Variants in SERPINB8 observed in about 807,000 individuals in gnomAD.
SERPINB8 encodes the protein serpin B8.
Under a neutral mutation model 35.3 loss-of-function variants are expected in SERPINB8, and 25 were observed. The observed-to-expected ratio is 0.71, with a 90% CI of 0.52 to 0.99. The LOEUF is 0.99. SERPINB8 is among the 50% of genes least tolerant of loss of function. SERPINB8 has a pLI of 0.00. For synonymous variants in SERPINB8, 186 were observed against 160.8 expected (o/e 1.16, Z -1.19); for missense variants, 484 against 446.5 (o/e 1.08, Z -0.76).
At chr18:63,989,966 A>AAAC (rs1555715818), downstream of SERPINB8, among the ~76,000 whole-genome samples, 126 of 144,982 alleles carry the variant, frequency 8.7e-4, 10 homozygotes, top group African/African-American at 2.7e-3. Flanking sequence ...AAAAAAAAAA[A>AAAC]AAACCAAAAT....
intron 3 of SERPINB8, 112 bp from the exon 4 acceptor site, chr18:63,981,609 T>A: frequency 2.7e-6 from 2 of 727,410 alleles, no homozygotes; most frequent in Admixed American, 4.5e-5. Flanking sequence ...TGAAGTGGAG[T>A]GTGACCTGTC....
intron 1 of SERPINB8, among the ~76,000 whole-genome samples, chr18:63,997,992 C>G (rs552434213): frequency 1.4e-4 from 21 of 152,314 alleles, no homozygotes; most frequent in African/African-American, 4.3e-4. Context: ...AGGAAGGGCC[C>G]TGGGAATCAA....
Position 63,985,182 on chromosome 18 carries a change from C to G in SERPINB8, c.657C>G (p.Pro219=), listed in dbSNP as rs1239512506. Residue 219 remains proline, a synonymous_variant, in exon 6 of 7, where the codon CCC becomes CCG. Transcript: ENST00000397985. ...TACACACCCAGGTCCTGGAGCTGCC[C>G]TATGTGGAAGAGGAGCTGAGCATGG... ...DEVHTQVLEL[P]YVEEELSMVI... is the part of the protein sequence containing the mutation. 1.2e-6 allele frequency: 2 copies of G among 1,614,158 alleles called. No homozygotes were observed. The highest frequency in any genetic ancestry group is 8.5e-7 in the Non-Finnish European group (1 of 1,180,030).
At chr18:63,979,616 G>C (rs756464151) in intron 2 of SERPINB8, among the ~76,000 whole-genome samples, 185 bp from the exon 3 acceptor site, 1 of 152,208 alleles carries the variant, frequency 6.6e-6, no homozygotes, top group Non-Finnish European at 1.5e-5. Context: ...AGACAAGGAA[G>C]TGTCCTGGCC....
At chr18:63,981,926 T>C in intron 4 of SERPINB8, 88 bp downstream of exon 4, 1 of 867,340 alleles carries the variant, frequency 1.2e-6, no homozygotes, top group South Asian at 1.5e-5. Flanking sequence ...GTGTTGCCAC[T>C]GTGACCTGCA....
At position 63,986,872 on chromosome 18, in the gene SERPINB8, A is replaced by G. The variant is rs760766913; in HGVS notation, c.721-2A>G. ...TTAAGGTTTGAGTCTTTCTTATCCT[A>G]GGTGGAAAAAGCACTTACATATGAG... is the stretch of plus-strand genomic sequence containing the variant. On this transcript the variant is annotated splice_acceptor_variant, in intron 6 of 6. Transcript: ENST00000397985. LOFTEE classifies it high-confidence loss of function. 9.4e-6 allele frequency: 15 copies of G among 1,601,706 alleles called. No individual in the cohort carries two copies. In the South Asian group the frequency reaches 1.6e-4, roughly 17 times the overall value.
Position 63,988,569 on chromosome 18 carries a change from T to G in SERPINB8, c.*1291T>G, listed in dbSNP as rs1243789073. 2 of 152,202 alleles carry G rather than the reference T, an allele frequency of 1.3e-5. No individual in the cohort carries two copies. The highest frequency in any genetic ancestry group is 4.8e-5 in the African/African-American group (2 of 41,444). The allele number at this position is 152,202 out of a possible 1,614,324, so 9.4% of individuals were successfully genotyped here. On this transcript the variant is annotated 3_prime_UTR_variant, in exon 7 of 7. Coordinates refer to ENST00000397985, the MANE Select transcript of SERPINB8 (RefSeq NM_002640.4). ...ATTGGTCCCTAGAAAGTTACACTGG[T>G]TTGTACTCTCACTTATGTCACTGTT...
chr18:64,008,414 T>A (rs1444027154), downstream of SERPINB8, among the ~76,000 whole-genome samples: 2 of 151,820 alleles, frequency 1.3e-5, no homozygotes, highest in Non-Finnish European at 2.9e-5. Flanking sequence ...GCTAATTTTT[T>A]TTTTTTTAAT....
intron 1 of SERPINB8, among the ~76,000 whole-genome samples, chr18:64,000,101 C>T (rs761233982): frequency 2.6e-5 from 4 of 152,200 alleles, no homozygotes; most frequent in African/African-American, 4.8e-5. Flanking sequence ...GTCAACACCT[C>T]GTGGTGCACC....
Position 63,983,579 on chromosome 18 carries a change from G to A in SERPINB8, c.425G>A (p.Gly142Asp). ...CAATAAACTCTCATATTCTTTATAG[G>A]TAAGATTTCAGAGGTACTGGATGCT... ...INDWVAEKTE[G>D]KISEVLDAGT... Residue 142 changes from glycine (G) to aspartate (D), a missense_variant and splice_region_variant, in exon 5 of 7, where the codon GGT (glycine) becomes GAT (aspartate). Physicochemically the swap from Gly to Asp is moderately conservative, Grantham distance 94. Transcript: ENST00000397985. 6.2e-7 allele frequency: 1 copy of A among 1,613,226 alleles called. No individual in the cohort carries two copies. Among genetic ancestry groups the A allele is most frequent in the Non-Finnish European group, 8.5e-7 (1 of 1,179,488 alleles).
intron 1 of SERPINB8, among the ~76,000 whole-genome samples, chr18:64,001,699 C>T (rs1047931821): frequency 6.6e-6 from 1 of 152,086 alleles, no homozygotes; most frequent in Non-Finnish European, 1.5e-5. Context: ...GTTGTCCAGG[C>T]TGGTCTCGAA....
In SERPINB8 at chr18:63,973,111, T is replaced by G. The variant is rs539614471; in HGVS notation, c.-11+2941T>G. On this transcript the variant is annotated intron_variant, in intron 1 of 6. Coordinates refer to ENST00000397985, the MANE Select transcript of SERPINB8 (RefSeq NM_002640.4). ...AACTAGTTTACAGTCCTACCAAGAG[T>G]TTAAAAGTGTTCCTTTTTCTCCACA... 9.8e-5 allele frequency among the ~76,000 whole-genome samples: 15 copies of G among 152,334 alleles called. No homozygotes were observed. In the East Asian group the frequency reaches 2.3e-3, roughly 24 times the overall value.
chr18:64,001,475 G>GTTTATTTATTTA (rs59133514), intron 1 of SERPINB8, among the ~76,000 whole-genome samples: 9,769 of 146,796 alleles, frequency 0.067, 388 homozygotes, highest in East Asian at 0.11. Context: ...TTGTTTGTTT[G>GTTTATTTATTTA]TTTATTTATT....
At chr18:63,991,022 G>A (rs969884598), downstream of SERPINB8, among the ~76,000 whole-genome samples, 1 of 152,168 alleles carries the variant, frequency 6.6e-6, no homozygotes, top group African/African-American at 2.4e-5. Flanking sequence ...TCAAAAATCA[G>A]TTGATCATGG....
downstream of SERPINB8, among the ~76,000 whole-genome samples, chr18:63,990,047 C>T (rs1468464873): frequency 1.5e-5 from 2 of 131,750 alleles, no homozygotes; most frequent in Non-Finnish European, 3.2e-5. Flanking sequence ...TATTTTATTG[C>T]TTCTTGCTTT....
At chr18:63,985,378 T>C in intron 6 of SERPINB8, 133 bp downstream of exon 6, 1 of 923,430 alleles carries the variant, frequency 1.1e-6, no homozygotes, top group Non-Finnish European at 1.6e-6. Flanking sequence ...AACATCATTG[T>C]GTGTCTTTTG....
chr18:63,973,550 T>G (rs940354618), intron 1 of SERPINB8, among the ~76,000 whole-genome samples: 10 of 152,206 alleles, frequency 6.6e-5, no homozygotes, highest in Non-Finnish European at 4.4e-5. Context: ...GGTGTTTTAG[T>G]CATGAAGTCC....
At position 63,978,236 on chromosome 18, in the gene SERPINB8, A is replaced by G. The variant is rs1000341009; in HGVS notation, c.-10-63A>G. 1.5e-4 allele frequency: 235 copies of G among 1,578,256 alleles called. 2 individuals carry two copies. In the Middle Eastern group the frequency reaches 1.9e-3, roughly 13 times the overall value. ...TCAGCGTCCACTGACTGGGGGATGAATGACTGCGTGGCTACCGGAGTCATT... is the reference window on the plus strand; with the variant it reads ...TCAGCGTCCACTGACTGGGGGATGAGTGACTGCGTGGCTACCGGAGTCATT... On this transcript the variant is annotated intron_variant, in intron 1 of 6. Transcript: ENST00000397985.
At chr18:63,973,359 T>C (rs1234210944) in intron 1 of SERPINB8, among the ~76,000 whole-genome samples, 1 of 152,204 alleles carries the variant, frequency 6.6e-6, no homozygotes, top group East Asian at 1.9e-4. Context: ...TCTTGTAAAT[T>C]TGTTTGAGTT....
Sources: allele counts gnomAD v4.1 joint callset (sites outside exome capture counted in the v4.1 genomes callset), GRCh38; gene constraint gnomAD v4.1.1; transcripts MANE v1.5; gene names NCBI Gene and HGNC (gene_info 2026-07-23, HGNC 2026-07-21).